PRPF38A: variants seen among roughly 807,000 people sequenced by gnomAD.
PRPF38A encodes the protein pre-mRNA processing factor 38A.
In PRPF38A, 11 loss-of-function variants were observed where a neutral mutation model predicts 46.8. That is an observed-to-expected ratio of 0.24 (90% CI 0.15 to 0.39). PRPF38A has a LOEUF of 0.39. Among genes scored for constraint, PRPF38A ranks in the 10% least tolerant of loss-of-function variants. The pLI is 1.00. For synonymous variants in PRPF38A, 124 were observed against 136.2 expected, an observed-to-expected ratio of 0.91 and a Z score of 0.62; for missense variants, 261 against 407.5, an observed-to-expected ratio of 0.64 and a Z score of 3.10.
chr1:52,414,759 C>T lies in PRPF38A; in HGVS notation c.750-3C>T, dbSNP rs372805447. On this transcript the variant is annotated splice_region_variant and splice_polypyrimidine_tract_variant and intron_variant, in intron 7 of 9. Coordinates refer to ENST00000257181, the MANE Select transcript of PRPF38A (RefSeq NM_032864.4). The stretch of plus-strand genomic sequence containing the variant: ...CTGGTAGTCTGACCAGTCTTTTCTA[C>T]AGCCCCTCCCCTCGCCGAGAAAGGC... The T allele has an allele frequency of 5.6e-6, 9 of 1,614,006 alleles. No individual in the cohort carries two copies. The highest frequency in any genetic ancestry group is 1.6e-4 in the Middle Eastern group (1 of 6,080).
At chr1:52,406,582 CTATAA>C (rs1375705893) in intron 2 of PRPF38A, among the ~76,000 whole-genome samples, 3 of 152,090 alleles carry the variant, frequency 2.0e-5, no homozygotes, top group South Asian at 2.1e-4. Context: ...AAAATGGTGA[CTATAA>C]TATAAGAGTG....
chr1:52,405,827 A>G lies in PRPF38A; in HGVS notation c.278A>G (p.Asn93Ser), dbSNP rs1480507016. 6 of 1,614,146 alleles carry G rather than the reference A, an allele frequency of 3.7e-6. No individual in the cohort carries two copies. The highest frequency in any genetic ancestry group is 5.1e-6 in the Non-Finnish European group (6 of 1,179,982). ...EKDIIVEFIKNEDFKYVRMLG... is the reference protein window; with the variant it reads ...EKDIIVEFIKSEDFKYVRMLG... Reference sequence around the variant, plus strand: ...GATATCATTGTAGAGTTTATCAAAAATGAAGATTTCAAGTGAGTGCAATGT... The same window carrying G: ...GATATCATTGTAGAGTTTATCAAAAGTGAAGATTTCAAGTGAGTGCAATGT... The change falls in exon 2 of 10, where the codon AAT (asparagine) becomes AGT (serine). Residue 93 changes from asparagine (N) to serine (S), a missense_variant. Asn to Ser is a conservative substitution (Grantham distance 46). Transcript: ENST00000257181.
At chr1:52,414,721 T>G (rs763485506) in intron 7 of PRPF38A, 41 bp from the exon 8 acceptor site, 233 of 1,613,624 alleles carry the variant, frequency 1.4e-4, no homozygotes, top group Non-Finnish European at 1.9e-4. Context: ...TATATGTATA[T>G]TGCTAACCAG....
intron 3 of PRPF38A, among the ~76,000 whole-genome samples, chr1:52,410,473 A>G (rs755196211): frequency 6.6e-6 from 1 of 150,734 alleles, no homozygotes; most frequent in South Asian, 2.1e-4. Flanking sequence ...ATATATATAT[A>G]TACACACACA....
chr1:52,407,048 C>T (rs541546272), intron 2 of PRPF38A, among the ~76,000 whole-genome samples: 29 of 152,274 alleles, frequency 1.9e-4, no homozygotes, highest in Admixed American at 6.5e-4. Flanking sequence ...GACAGAGTCT[C>T]GCTCTGTTGC....
chr1:52,416,651 TAAG>T lies in PRPF38A; in HGVS notation c.905_907del (p.Lys302del). ...TTTATATGTGTTGCCATTTCAGGTC[TAAG>T]AAGAGCCACAAGAAGAGCCGGAGAG... On this transcript the variant is annotated inframe_deletion, in exon 10 of 10. Transcript: ENST00000257181. 6.2e-7 allele frequency: 1 copy of T among 1,612,608 alleles called. No homozygotes were observed.
chr1:52,412,981 A>T (rs958579591), intron 5 of PRPF38A, among the ~76,000 whole-genome samples: 10 of 152,106 alleles, frequency 6.6e-5, no homozygotes, highest in African/African-American at 2.4e-4. Flanking sequence ...CAGCTTGGGC[A>T]AAAGTGAGAC....
intron 4 of PRPF38A, among the ~76,000 whole-genome samples, chr1:52,412,209 G>A (rs1173994553): frequency 6.6e-6 from 1 of 152,172 alleles, no homozygotes; most frequent in Non-Finnish European, 1.5e-5. Context: ...TTTTCTCTGT[G>A]TGTGAAGCCC....
chr1:52,405,973 T>C (rs1647977147), intron 2 of PRPF38A, 134 bp downstream of exon 2: 3 of 721,844 alleles, frequency 4.2e-6, no homozygotes, highest in African/African-American at 3.6e-5. Flanking sequence ...TTTTGAGCCC[T>C]TGAGTTTGTA....
At chr1:52,415,288 T>C (rs1648257330) in intron 8 of PRPF38A, 50 bp from the exon 9 acceptor site, 1 of 1,579,316 alleles carries the variant, frequency 6.3e-7, no homozygotes, top group Non-Finnish European at 8.7e-7. Flanking sequence ...AATGACAGTT[T>C]AATAAGAGTA....
At position 52,415,369 on chromosome 1, in the gene PRPF38A, C is replaced by A; in HGVS notation, c.879C>A (p.His293Gln). 2 of 1,613,886 alleles carry A rather than the reference C, an allele frequency of 1.2e-6. No individual in the cohort carries two copies. The highest frequency in any genetic ancestry group is 1.7e-6 in the Non-Finnish European group (2 of 1,179,814). ...ACCGTAGTCACAGACACAGGAGCCA[C>A]TCAAAGTCTCCCGAAAGGTAATGAA... ...GHHRSHRHRS[H>Q]SKSPERSKKS... The change falls in exon 9 of 10, where the codon CAC (histidine) becomes CAA (glutamine). Residue 293 changes from histidine (H) to glutamine (Q), a missense_variant. Physicochemically the swap from His to Gln is conservative, Grantham distance 24. Transcript: ENST00000257181.
chr1:52,406,209 G>A (rs1164503207), intron 2 of PRPF38A, among the ~76,000 whole-genome samples: 6 of 151,730 alleles, frequency 4.0e-5, no homozygotes, highest in Admixed American at 2.0e-4. Context: ...GGCTGGTCTC[G>A]AACTCCAGAC....
At chr1:52,416,157 C>T (rs1245455791) in intron 9 of PRPF38A, among the ~76,000 whole-genome samples, 2 of 150,842 alleles carry the variant, frequency 1.3e-5, no homozygotes, top group Non-Finnish European at 3.0e-5. Context: ...GTACTCTTAA[C>T]CTCTAAGAGG....
Position 52,404,677 on chromosome 1 carries a change from C to T in PRPF38A, c.-73C>T. 2.0e-6 allele frequency: 3 copies of T among 1,530,584 alleles called. No homozygotes were observed. The highest frequency in any genetic ancestry group is 2.3e-5 in the East Asian group (1 of 44,006). The allele number at this position is 1,530,584 out of a possible 1,614,324, so 94.8% of individuals were successfully genotyped here. A position where few individuals can be genotyped will look rare whatever the true frequency, so the allele number is the denominator to read the frequency against. On this transcript the variant is annotated 5_prime_UTR_variant, in exon 1 of 10. Coordinates refer to ENST00000257181, the MANE Select transcript of PRPF38A (RefSeq NM_032864.4). ...ACTTCTTCCACCTTTCTCCATTCCT[C>T]TAGGTGCTTTTTCTGAACCTGGATG...
At chr1:52,415,287 TTA>T (rs745828705) in intron 8 of PRPF38A, 49 bp from the exon 9 acceptor site, 2 of 1,579,696 alleles carry the variant, frequency 1.3e-6, no homozygotes, top group South Asian at 2.2e-5. Context: ...GAATGACAGT[TTA>T]ATAAGAGTAG....
rs1422373427 is a variant in PRPF38A at position 52,416,949 on chromosome 1, G to A, written c.*259G>A. The A allele has an allele frequency of 2.3e-6, 1 of 440,612 alleles. No homozygotes were observed. The highest frequency in any genetic ancestry group is 3.8e-5 in the East Asian group (1 of 26,028). 27.3% of individuals were successfully genotyped at this position (440,612 alleles called of 1,614,324 possible). On this transcript the variant is annotated 3_prime_UTR_variant, in exon 10 of 10. Transcript: ENST00000257181. Reference sequence around the variant, plus strand: ...TAAAGGATCTGGAGGTTGGGGATATGACTGACAAGGAAAGGCTGTGGCCAC... The same window carrying A: ...TAAAGGATCTGGAGGTTGGGGATATAACTGACAAGGAAAGGCTGTGGCCAC...
chr1:52,408,424 C>T (rs559363487), intron 2 of PRPF38A, 145 bp from the exon 3 acceptor site: 5 of 1,061,874 alleles, frequency 4.7e-6, no homozygotes, highest in Non-Finnish European at 7.2e-6. Flanking sequence ...TGTCTTTCTT[C>T]TGCTGCATTC....
At position 52,418,511 on chromosome 1, in the gene PRPF38A, CAG is replaced by C. The variant is rs1334733865; in HGVS notation, c.*1823_*1824del. ...CACAAAGCCCAATAAATTTTAGTAA[CAG>C]AAATAAACCTCCCTAAACAAACATT... On this transcript the variant is annotated 3_prime_UTR_variant, in exon 10 of 10. Coordinates refer to ENST00000257181, the MANE Select transcript of PRPF38A (RefSeq NM_032864.4). The C allele has an allele frequency of 6.6e-6, 1 of 152,068 alleles. No homozygotes were observed. Among genetic ancestry groups the C allele is most frequent in the Non-Finnish European group, 1.5e-5 (1 of 67,992 alleles). 9.4% of individuals were successfully genotyped at this position (152,068 alleles called of 1,614,324 possible). A position where few individuals can be genotyped will look rare whatever the true frequency, so the allele number is the denominator to read the frequency against.
chr1:52,407,994 T>G (rs1467239351), intron 2 of PRPF38A, among the ~76,000 whole-genome samples: 1 of 152,256 alleles, frequency 6.6e-6, no homozygotes, highest in Non-Finnish European at 1.5e-5. Flanking sequence ...AGGTGGAGGC[T>G]GCAGTGAATT....
Sources: gnomAD v4.1 joint callset for allele counts (sites outside exome capture counted in the v4.1 genomes callset) on GRCh38, gnomAD v4.1.1 for gene constraint, MANE v1.5 for transcripts, NCBI Gene and HGNC (gene_info 2026-07-23, HGNC 2026-07-21) for gene names.